Variants in FUNDC2 observed in about 807,000 individuals in gnomAD.
FUNDC2 encodes FUN14 domain containing 2.
In FUNDC2, 4 loss-of-function variants were observed where a neutral mutation model predicts 15.6. The ratio of observed to expected loss-of-function variants is 0.26; its 90% CI spans 0.13 to 0.59. The LOEUF (loss-of-function observed/expected upper bound fraction) is 0.59, where lower values mean the gene tolerates loss of function less well. Among genes scored for constraint, FUNDC2 ranks in the 20% least tolerant of loss-of-function variants. FUNDC2 has a pLI of 0.90. For missense variants in FUNDC2, 98 were observed against 149.7 expected, an observed-to-expected ratio of 0.65 and a Z score of 1.80; for synonymous variants, 44 against 56.9, an observed-to-expected ratio of 0.77 and a Z score of 1.02.
chrX:155,039,244 C>G (rs1293954406), intron 2 of FUNDC2, among the ~76,000 whole-genome samples: 7 of 112,060 alleles, frequency 6.2e-5, no homozygotes, highest in African/African-American at 2.3e-4. Context: ...CCTTGTATAT[C>G]TTTTATATTA....
intron 1 of FUNDC2, among the ~76,000 whole-genome samples, chrX:155,028,083 C>CTTATAGACTTTTATAAGAGCAGACTGCTT: frequency 1.8e-5 from 2 of 112,205 alleles, no homozygotes; most frequent in African/African-American, 3.2e-5. Flanking sequence ...GCAGACTGCT[C>CTTATAGACTTTTATAAGAGCAGACTGCTT]TTATAGACTT....
At chrX:155,048,665 G>A (rs782567611) in intron 3 of FUNDC2, among the ~76,000 whole-genome samples, 17 of 112,485 alleles carry the variant, frequency 1.5e-4, no homozygotes, top group South Asian at 1.1e-3. Context: ...AATTTTTATC[G>A]GAATTGCATT....
At chrX:155,028,953 C>T (rs1450700971) in intron 1 of FUNDC2, among the ~76,000 whole-genome samples, 1 of 111,806 alleles carries the variant, frequency 8.9e-6, no homozygotes, top group Non-Finnish European at 1.9e-5. Flanking sequence ...TTTGTATTTT[C>T]CTGATTGCAG....
Position 155,055,417 on chromosome X carries a change from C to A in FUNDC2, c.*745C>A. 1 of 292,868 alleles carries A rather than the reference C, an allele frequency of 3.4e-6. No homozygotes were observed. The highest frequency in any genetic ancestry group is 2.1e-4 in the South Asian group (1 of 4,679). 24.1% of individuals were successfully genotyped at this position (292,868 alleles called of 1,213,427 possible). On this transcript the variant is annotated 3_prime_UTR_variant, in exon 5 of 5. Coordinates refer to ENST00000369498, the MANE Select transcript of FUNDC2 (RefSeq NM_023934.4). ...TCCTTATCAAAACATTAGGGGTGGC[C>A]ATAACTCCTCTGTGCCACTTCTACT... is the stretch of plus-strand genomic sequence containing the variant.
In FUNDC2 at chrX:155,057,311, T is replaced by G. The variant is rs956621190; in HGVS notation, c.*2639T>G. The G allele has an allele frequency of 3.6e-5, 4 of 111,614 alleles. No individual in the cohort carries two copies. Among genetic ancestry groups the G allele is most frequent in the Non-Finnish European group, 7.5e-5 (4 of 52,984 alleles). The allele number at this position is 111,614 out of a possible 1,213,427, so 9.2% of individuals were successfully genotyped here. Reference sequence around the variant, plus strand: ...GCCACTCCTCCATGCAAAACCGAGATGATTCAAGGACCAGGCAGCTCCACC... The same window carrying G: ...GCCACTCCTCCATGCAAAACCGAGAGGATTCAAGGACCAGGCAGCTCCACC... On this transcript the variant is annotated 3_prime_UTR_variant, in exon 5 of 5. Transcript: ENST00000369498.
Position 155,056,731 on chromosome X carries a change from C to G in FUNDC2, c.*2059C>G, listed in dbSNP as rs188286694. 2 of 110,999 alleles carry G rather than the reference C, an allele frequency of 1.8e-5. No homozygotes were observed. Among genetic ancestry groups the G allele is most frequent in the African/African-American group, 6.5e-5 (2 of 30,604 alleles). The allele number at this position is 110,999 out of a possible 1,213,427, so 9.1% of individuals were successfully genotyped here. A position where few individuals can be genotyped will look rare whatever the true frequency, so the allele number is the denominator to read the frequency against. On this transcript the variant is annotated 3_prime_UTR_variant, in exon 5 of 5. Coordinates refer to ENST00000369498, the MANE Select transcript of FUNDC2 (RefSeq NM_023934.4). ...CAGCAATGGGATGGTAACAGCAAAG[C>G]TAACCAAAGTGCTCTGTGCCCCTTT...
At chrX:155,027,181 A>C (rs949021620) in intron 1 of FUNDC2, 110 bp downstream of exon 1, 2 of 869,591 alleles carry the variant, frequency 2.3e-6, no homozygotes, top group Admixed American at 1.2e-4. Flanking sequence ...CGGGGAGTCC[A>C]AGCGGCGCGG....
intron 2 of FUNDC2, among the ~76,000 whole-genome samples, chrX:155,046,273 A>G: frequency 9.0e-6 from 1 of 111,364 alleles, no homozygotes; most frequent in South Asian, 3.8e-4. Flanking sequence ...ATGTAGCCAG[A>G]GTCATCTTTT....
chrX:155,026,936 G>T lies in FUNDC2; in HGVS notation c.-3G>T. The T allele has an allele frequency of 1.7e-6, 2 of 1,190,603 alleles. No individual in the cohort carries two copies. The highest frequency in any genetic ancestry group is 2.3e-6 in the Non-Finnish European group (2 of 887,091). On this transcript the variant is annotated 5_prime_UTR_variant, in exon 1 of 5. Coordinates refer to ENST00000369498, the MANE Select transcript of FUNDC2 (RefSeq NM_023934.4). ...CCCTCCCTCTTCCGCTGCCGCCGTG[G>T]GAATGGAAACATCTGCCCCACGTGC... is the stretch of plus-strand genomic sequence containing the variant.
chrX:155,056,803 T>TTTCTGTAAAGTTAC lies in FUNDC2; in HGVS notation c.*2131_*2132insTTCTGTAAAGTTAC, dbSNP rs1185929409. Reference sequence around the variant, plus strand: ...GCCACCCAATGCCTCTCCAGTGGGGTAGGGGTTGTCTTTTGGTGCATCTGT... The same window carrying TTTCTGTAAAGTTAC: ...GCCACCCAATGCCTCTCCAGTGGGGTTTCTGTAAAGTTACAGGGGTTGTCTTTTGGTGCATCTGT... On this transcript the variant is annotated 3_prime_UTR_variant, in exon 5 of 5. Coordinates refer to ENST00000369498, the MANE Select transcript of FUNDC2 (RefSeq NM_023934.4). 1.8e-5 allele frequency: 2 copies of TTTCTGTAAAGTTAC among 111,210 alleles called. No homozygotes were observed. The highest frequency in any genetic ancestry group is 5.6e-4 in the East Asian group (2 of 3,540). 9.2% of individuals were successfully genotyped at this position (111,210 alleles called of 1,213,427 possible). A position where few individuals can be genotyped will look rare whatever the true frequency, so the allele number is the denominator to read the frequency against.
At chrX:155,031,205 A>G (rs2073813923) in intron 1 of FUNDC2, among the ~76,000 whole-genome samples, 1 of 110,489 alleles carries the variant, frequency 9.1e-6, no homozygotes. Flanking sequence ...CTTCTATCCC[A>G]TTCTTTCTAA....
chrX:155,041,985 C>T (rs1362216843), intron 2 of FUNDC2, among the ~76,000 whole-genome samples: 2 of 100,786 alleles, frequency 2.0e-5, no homozygotes, highest in African/African-American at 3.7e-5. Context: ...AGGAGGATGG[C>T]GTGAACCCGG....
intron 3 of FUNDC2, chrX:155,050,695 CTTGA>C (rs1251676685): frequency 3.6e-5 from 4 of 111,784 alleles, no homozygotes; most frequent in Non-Finnish European, 7.5e-5. Context: ...GGTACTATGG[CTTGA>C]TTACTTGTGA....
At position 155,056,324 on chromosome X, in the gene FUNDC2, G is replaced by C. The variant is rs1294765853; in HGVS notation, c.*1652G>C. 1 of 110,948 alleles carries C rather than the reference G, an allele frequency of 9.0e-6. No individual in the cohort carries two copies. The highest frequency in any genetic ancestry group is 1.9e-5 in the Non-Finnish European group (1 of 52,950). 9.1% of individuals were successfully genotyped at this position (110,948 alleles called of 1,213,427 possible). A position where few individuals can be genotyped will look rare whatever the true frequency, so the allele number is the denominator to read the frequency against. ...CATATTTCAGTATGTATCTCTAAAA[G>C]GTAAGAATTATTTCTAAAAATCATA... On this transcript the variant is annotated 3_prime_UTR_variant, in exon 5 of 5. Transcript: ENST00000369498.
At chrX:155,049,002 T>C (rs1392187903) in intron 3 of FUNDC2, 1 of 112,931 alleles carries the variant, frequency 8.9e-6, no homozygotes, top group African/African-American at 3.2e-5. Context: ...ATAAAATCTT[T>C]TTATGCCATC....
At chrX:155,048,149 A>T (rs1485820386) in intron 3 of FUNDC2, among the ~76,000 whole-genome samples, 3 of 111,798 alleles carry the variant, frequency 2.7e-5, no homozygotes, top group Non-Finnish European at 3.8e-5. Context: ...AAATGTCTCC[A>T]GAAAGGCACC....
In FUNDC2 at chrX:155,042,175, C is replaced by CTTTTTTTTTTT. The variant is rs1175079092; in HGVS notation, c.285-4315_285-4305dup. Among the ~76,000 whole-genome samples the CTTTTTTTTTTT allele has an allele frequency of 9.7e-4, 38 of 39,204 alleles. 2 individuals carry two copies. Among genetic ancestry groups the CTTTTTTTTTTT allele is most frequent in the African/African-American group, 2.6e-3 (20 of 7,643 alleles). 34.0% of individuals were successfully genotyped at this position (39,204 alleles called of 115,157 possible). ...CCTTGCTATAGTTTTCTTTTTCTAT[C>CTTTTTTTTTTT]TTTTTTTTTTTTTTTTTTTTTTTTT... On this transcript the variant is annotated intron_variant, in intron 2 of 4. Transcript: ENST00000369498.
chrX:155,039,503 A>T (rs1215401924), intron 2 of FUNDC2, among the ~76,000 whole-genome samples: 1 of 112,276 alleles, frequency 8.9e-6, no homozygotes, highest in Non-Finnish European at 1.9e-5. Flanking sequence ...TTAAGTATTT[A>T]ATCTGTTTCC....
chrX:155,043,632 T>C (rs1170172863), intron 2 of FUNDC2, among the ~76,000 whole-genome samples: 1 of 112,265 alleles, frequency 8.9e-6, no homozygotes, highest in Non-Finnish European at 1.9e-5. Context: ...AAAAGCCAGG[T>C]GTTGTAAACA....
Sources: gnomAD v4.1 joint callset for allele counts (sites outside exome capture counted in the v4.1 genomes callset) on GRCh38, gnomAD v4.1.1 for gene constraint, MANE v1.5 for transcripts, NCBI Gene and HGNC (gene_info 2026-07-23, HGNC 2026-07-21) for gene names.